MYRF: variants seen among roughly 807,000 people sequenced by gnomAD.
The protein encoded by MYRF is myelin gene regulatory factor.
A neutral mutation model predicts 126.3 loss-of-function variants in MYRF; 16 were observed. The ratio of observed to expected loss-of-function variants is 0.13; its 90% CI spans 0.09 to 0.19. The LOEUF is 0.19. MYRF is among the 10% of genes least tolerant of loss of function. The pLI, the probability that MYRF is intolerant of heterozygous loss-of-function variation, is 1.00. For missense variants in MYRF, 1,104 were observed against 1,547.0 expected, an observed-to-expected ratio of 0.71 and a Z score of 4.80; for synonymous variants, 608 against 635.3, an observed-to-expected ratio of 0.96 and a Z score of 0.65.
At chr11:61,759,323 G>A (rs913056387) in intron 1 of MYRF, among the ~76,000 whole-genome samples, 2 of 152,236 alleles carry the variant, frequency 1.3e-5, no homozygotes, top group African/African-American at 4.8e-5. Context: ...TGGGGACTTG[G>A]AGTGGATGTA....
chr11:61,769,338 C>T lies in MYRF; in HGVS notation c.460+17C>T. On this transcript the variant is annotated intron_variant, in intron 4 of 26. Coordinates refer to ENST00000278836, the MANE Select transcript of MYRF (RefSeq NM_001127392.3). ...AGGTGAATGGTGAGTCCAGCGGGCA[C>T]CGCCCTCCTGCTCCAGGGTTTGGGC... is the stretch of plus-strand genomic sequence containing the variant. 1 of 1,601,404 alleles carries T rather than the reference C, an allele frequency of 6.2e-7. No homozygotes were observed. Among genetic ancestry groups the T allele is most frequent in the Non-Finnish European group, 8.5e-7 (1 of 1,173,462 alleles).
chr11:61,756,685 G>T (rs1160439827), intron 1 of MYRF, among the ~76,000 whole-genome samples: 1 of 151,272 alleles, frequency 6.6e-6, no homozygotes, highest in Non-Finnish European at 1.5e-5. Context: ...GAACAGAGGC[G>T]GCGGGGGTGG....
Position 61,770,794 on chromosome 11 carries a change from C to T in MYRF, c.740+269C>T, listed in dbSNP as rs927456003. Among the ~76,000 whole-genome samples the T allele has an allele frequency of 5.3e-5, 8 of 152,210 alleles. No homozygotes were observed. In the South Asian group the frequency reaches 8.3e-4, roughly 16 times the overall value. On this transcript the variant is annotated intron_variant, in intron 5 of 26. Coordinates refer to ENST00000278836, the MANE Select transcript of MYRF (RefSeq NM_001127392.3). ...TGAGGCTCTGATGGGGGAAATGTCC[C>T]GTCCAGATCATGAGCCAGGGGCAGA...
Position 61,770,461 on chromosome 11 carries a change from A to G in MYRF, c.676A>G (p.Thr226Ala). The G allele has an allele frequency of 6.4e-7, 1 of 1,556,308 alleles. No homozygotes were observed. The highest frequency in any genetic ancestry group is 8.7e-7 in the Non-Finnish European group (1 of 1,150,544). ...YAAMGQGLVP[T>A]DLHHTQQSQM... ...TGCCATGGGGCAGGGGCTGGTGCCC[A>G]CTGATCTTCACCACACCCAGCAGTC... Residue 226 changes from threonine to alanine, a missense_variant, in exon 5 of 27, where the codon ACT (threonine) becomes GCT (alanine). Around this residue, in one of 10 missense-constraint regions of MYRF, gnomAD observed 368 missense variants for 403.9 expected, o/e 0.91. Transcript: ENST00000278836.
At chr11:61,775,729 T>A (rs1382156767) in intron 8 of MYRF, among the ~76,000 whole-genome samples, 2 of 148,746 alleles carry the variant, frequency 1.3e-5, no homozygotes, top group Non-Finnish European at 3.0e-5. Context: ...TGTGTCTGTG[T>A]GTGAGTGCAT....
In MYRF at chr11:61,771,560, T is replaced by C; in HGVS notation, c.801T>C (p.Asn267=). The part of the protein sequence containing the change: ...KHSESPPSTL[N]AQMLNGMIKQ... ...CTGAATCCCCCCCCAGCACCCTCAA[T>C]GCCCAGATGCTGAATGGAATGATCA... Residue 267 remains asparagine, a synonymous_variant, in exon 6 of 27, where the codon AAT becomes AAC. Coordinates refer to ENST00000278836, the MANE Select transcript of MYRF (RefSeq NM_001127392.3). 1 of 1,613,812 alleles carries C rather than the reference T, an allele frequency of 6.2e-7. No individual in the cohort carries two copies. Among genetic ancestry groups the C allele is most frequent in the Middle Eastern group, 1.7e-4 (1 of 6,058 alleles).
At chr11:61,780,607 C>T (rs930414657) in intron 18 of MYRF, 105 bp from the exon 19 acceptor site, 3 of 1,167,058 alleles carry the variant, frequency 2.6e-6, no homozygotes, top group East Asian at 2.6e-5. Context: ...GCCTTGGGCT[C>T]TGTGAGCCCA....
In MYRF at chr11:61,777,007, T is replaced by C; in HGVS notation, c.1590+130T>C. ...CCTGCTAGGCACTGGCTGTGTGGCC[T>C]TGGGCAAAGCTCCCACCCTCTCTGG... On this transcript the variant is annotated intron_variant, in intron 11 of 26. Coordinates refer to ENST00000278836, the MANE Select transcript of MYRF (RefSeq NM_001127392.3). This position sits in a 1 kb window ranked among gnomAD's most constrained non-coding sequence, Gnocchi z 8.8. 3 of 903,590 alleles carry C rather than the reference T, an allele frequency of 3.3e-6. 1 individual carries two copies. The highest frequency in any genetic ancestry group is 1.7e-6 in the Non-Finnish European group (1 of 604,084). 56.0% of individuals were successfully genotyped at this position (903,590 alleles called of 1,614,324 possible).
chr11:61,770,505 C>T lies in MYRF; in HGVS notation c.720C>T (p.Leu240=). The part of the protein sequence containing the change: ...HTQQSQMLHQ[L]LQQHGAELPT... ...AGCAGTCCCAGATGCTGCACCAGCT[C>T]CTGCAGCAGCACGGAGCTGAGTAAG... The change falls in exon 5 of 27, where the codon CTC becomes CTT. Residue 240 remains leucine (L), a synonymous_variant. Coordinates refer to ENST00000278836, the MANE Select transcript of MYRF (RefSeq NM_001127392.3). 6.4e-7 allele frequency: 1 copy of T among 1,564,340 alleles called. No homozygotes were observed. The highest frequency in any genetic ancestry group is 8.7e-7 in the Non-Finnish European group (1 of 1,154,194).
In MYRF at chr11:61,777,278, C is replaced by T. The variant is rs1477140581; in HGVS notation, c.1605C>T (p.Gly535=). The T allele has an allele frequency of 6.2e-7, 1 of 1,613,068 alleles. No individual in the cohort carries two copies. Among genetic ancestry groups the T allele is most frequent in the South Asian group, 1.1e-5 (1 of 91,070 alleles). ...ACTCGCGGTAGGCCTCCAACCCAGG[C>T]CAGTTCGAGAGCGACAGCGATGTGT... The part of the protein sequence containing the change: ...ERIIVRASNP[G]QFESDSDVLW... Residue 535 remains glycine (G), a synonymous_variant, in exon 12 of 27, where the codon GGC becomes GGT. Coordinates refer to ENST00000278836, the MANE Select transcript of MYRF (RefSeq NM_001127392.3). The surrounding 1 kb of genome is among the most constrained non-coding windows in gnomAD (Gnocchi z 8.8).
chr11:61,765,315 C>T (rs1475238908), intron 1 of MYRF, among the ~76,000 whole-genome samples: 1 of 152,220 alleles, frequency 6.6e-6, no homozygotes, highest in East Asian at 1.9e-4. Flanking sequence ...GACTTGTTCC[C>T]TGTCACACAG....
rs928221506 is a variant in MYRF, at chr11:61,766,004, C to T, written c.181C>T (p.His61Tyr). 3 of 1,579,292 alleles carry T rather than the reference C, an allele frequency of 1.9e-6. No homozygotes were observed. In the South Asian group the frequency reaches 3.4e-5, roughly 18 times the overall value. Residue 61 changes from histidine (H) to tyrosine (Y), a missense_variant, in exon 3 of 27, where the codon CAC (histidine) becomes TAC (tyrosine). By Grantham distance (83) the His-to-Tyr change is moderately conservative. This residue lies in a region of MYRF where 368 missense variants were observed against 403.9 expected (regional missense o/e 0.91). Transcript: ENST00000278836. ...TCCAGCCAGCTCGGCCTCCTACTCC[C>T]ACGGGCAGCCTGCGATGCCTGGCTC... ...SAPASSASYSHGQPAMPGSSG... is the reference protein window; with the variant it reads ...SAPASSASYSYGQPAMPGSSG...
intron 1 of MYRF, among the ~76,000 whole-genome samples, chr11:61,758,681 G>A (rs969335333): frequency 6.6e-6 from 1 of 152,206 alleles, no homozygotes; most frequent in African/African-American, 2.4e-5. Context: ...TCGTACCTCA[G>A]GGCTTTTGCA....
intron 1 of MYRF, among the ~76,000 whole-genome samples, chr11:61,763,196 C>T (rs1283332671): frequency 6.6e-6 from 1 of 152,230 alleles, no homozygotes; most frequent in African/African-American, 2.4e-5. Flanking sequence ...CAGTCACACT[C>T]TCCCTCGTGG....
chr11:61,765,587 C>T (rs2135744157), intron 1 of MYRF, 38 bp from the exon 2 acceptor site: 1 of 1,550,286 alleles, frequency 6.5e-7, no homozygotes, highest in Non-Finnish European at 8.8e-7. Flanking sequence ...CTGCAGGGAG[C>T]TGGGCCTCTT....
chr11:61,758,837 T>C (rs534837059), intron 1 of MYRF, among the ~76,000 whole-genome samples: 1 of 152,370 alleles, frequency 6.6e-6, no homozygotes, highest in African/African-American at 2.4e-5. Context: ...AGCTGGGCAC[T>C]ATGCTTGCCT....
At chr11:61,779,684 ACT>A (rs1687076327) in intron 16 of MYRF, 114 bp downstream of exon 16, 1 of 1,232,454 alleles carries the variant, frequency 8.1e-7, no homozygotes, top group African/African-American at 1.5e-5. Context: ...TCTCCTTGTG[ACT>A]CTGTAGCCCT....
At chr11:61,752,929 G>C (rs2065645308) in intron 1 of MYRF, 139 bp downstream of exon 1, 1 of 816,366 alleles carries the variant, frequency 1.2e-6, no homozygotes, top group Admixed American at 4.1e-5. Flanking sequence ...AGCCCGCCAA[G>C]ACAGGCTCCC....
chr11:61,776,888 C>A lies in MYRF; in HGVS notation c.1590+11C>A. 1 of 1,590,802 alleles carries A rather than the reference C, an allele frequency of 6.3e-7. No individual in the cohort carries two copies. The highest frequency in any genetic ancestry group is 8.5e-7 in the Non-Finnish European group (1 of 1,169,792). ...CGCATCATTGTGCGGGTGAGGGCCACCTCCTCCCAGGGCGTAGACAGCCCT... is the reference window on the plus strand; with the variant it reads ...CGCATCATTGTGCGGGTGAGGGCCAACTCCTCCCAGGGCGTAGACAGCCCT... On this transcript the variant is annotated intron_variant, in intron 11 of 26. Transcript: ENST00000278836. The surrounding 1 kb of genome is among the most constrained non-coding windows in gnomAD (Gnocchi z 4.3).
Sources: allele counts gnomAD v4.1 joint callset (sites outside exome capture counted in the v4.1 genomes callset), GRCh38; gene constraint gnomAD v4.1.1; regional missense constraint gnomAD v4.1.1; non-coding constraint Gnocchi (gnomAD v3.1); transcripts MANE v1.5; gene names NCBI Gene and HGNC (gene_info 2026-07-23, HGNC 2026-07-21).